The following MYO19 variants were observed in gnomAD, a reference collection of about 807,000 sequenced individuals.
The protein encoded by MYO19 is unconventional myosin-XIX.
In MYO19, 132 loss-of-function variants were observed where a neutral mutation model predicts 129.2. The observed-to-expected ratio is 1.02, with a 90% CI of 0.89 to 1.18. The LOEUF (loss-of-function observed/expected upper bound fraction) is 1.18, where lower values mean the gene tolerates loss of function less well. MYO19 is among the 50% of genes most tolerant of loss of function. The pLI is 0.00. For missense variants in MYO19, 1,210 were observed against 1,216.7 expected (o/e 0.99, Z 0.08); for synonymous variants, 531 against 477.2 (o/e 1.11, Z -1.47).
At chr17:36,519,944 C>T (rs1474093206) in intron 6 of MYO19, among the ~76,000 whole-genome samples, 1 of 151,998 alleles carries the variant, frequency 6.6e-6, no homozygotes, top group Non-Finnish European at 1.5e-5. Context: ...TATGGTCATT[C>T]TTATCTTTGT....
rs746490183 is a variant in MYO19 at position 36,501,072 on chromosome 17, AGAGT to A, written c.2240_2243del (p.Asp747ValfsTer51). ...CCTCATCCCCAAACCAGCTCACCATAGAGTCAGTCATGAACACCTTGGTCCTGCC... is the reference window on the plus strand; with the variant it reads ...CCTCATCCCCAAACCAGCTCACCATACAGTCATGAACACCTTGGTCCTGCC... On this transcript the variant is annotated frameshift_variant, in exon 22 of 26. Transcript: ENST00000614623. LOFTEE classifies it high-confidence loss of function. 2.5e-6 allele frequency: 4 copies of A among 1,611,270 alleles called. No individual in the cohort carries two copies. The Admixed American group carries it at 6.7e-5, about 27-fold the overall frequency.
chr17:36,503,900 A>C, intron 20 of MYO19, 50 bp downstream of exon 20: 1 of 1,427,736 alleles, frequency 7.0e-7, no homozygotes, highest in Non-Finnish European at 9.3e-7. Context: ...GAGAGTCCTG[A>C]GCCCCACTCT....
chr17:36,514,146 G>T (rs2072569299), intron 9 of MYO19, among the ~76,000 whole-genome samples: 1 of 152,158 alleles, frequency 6.6e-6, no homozygotes, highest in African/African-American at 2.4e-5. Context: ...GCCATTCTAG[G>T]AGAGCCCTTA....
At chr17:36,513,753 G>T in intron 9 of MYO19, 28 bp from the exon 10 acceptor site, 1 of 1,601,182 alleles carries the variant, frequency 6.2e-7, no homozygotes, top group Non-Finnish European at 8.5e-7. Flanking sequence ...TGGGAGGCTG[G>T]GTAGGGGGTC....
Position 36,498,449 on chromosome 17 carries a change from C to G in MYO19, c.2574G>C (p.Glu858Asp). The change falls in exon 25 of 26, where the codon GAG becomes GAC. Residue 858 changes from glutamate (E) to aspartate (D), a missense_variant. Glu to Asp is a conservative substitution (Grantham distance 45). Transcript: ENST00000614623. ...STSPLQTRLL[E>D]AIIRLWPLGL... The stretch of plus-strand genomic sequence containing the variant: ...CCAGGGGCCAGAGGCGGATTATTGC[C>G]TCCAGGAGCCTGGTCTGCAGCGGCG... The G allele has an allele frequency of 6.2e-7, 1 of 1,614,020 alleles. No individual in the cohort carries two copies. Among genetic ancestry groups the G allele is most frequent in the Non-Finnish European group, 8.5e-7 (1 of 1,179,886 alleles).
At chr17:36,511,520 G>A in intron 11 of MYO19, 65 bp from the exon 12 acceptor site, 1 of 1,412,090 alleles carries the variant, frequency 7.1e-7, no homozygotes, top group Non-Finnish European at 9.8e-7. Context: ...TCTGGGAAGG[G>A]CCGTTCTGCT....
chr17:36,538,088 C>T, upstream of MYO19: 1 of 1,614,160 alleles, frequency 6.2e-7, no homozygotes, highest in Non-Finnish European at 8.5e-7. Flanking sequence ...TGCATAAGAA[C>T]CGATCACATA....
chr17:36,508,733 A>C (rs2072100745), intron 14 of MYO19: 2 of 303,464 alleles, frequency 6.6e-6, no homozygotes, highest in South Asian at 6.0e-5. Flanking sequence ...GCCAGCCTCC[A>C]AAGTCCCTTC....
chr17:36,522,808 C>T lies in MYO19; in HGVS notation c.414+2420G>A, dbSNP rs546303153. 5.3e-5 allele frequency among the ~76,000 whole-genome samples: 8 copies of T among 152,166 alleles called. No homozygotes were observed. In the South Asian group the frequency reaches 1.7e-3, roughly 32 times the overall value. ...GGATCACGAGGTCAGGAGATCGAGA[C>T]CATCCTGGCTAACACAGTGAAACCC... On this transcript the variant is annotated intron_variant, in intron 6 of 25. Coordinates refer to ENST00000614623, the MANE Select transcript of MYO19 (RefSeq NM_001163735.2).
intron 14 of MYO19, chr17:36,508,387 T>TGTCC (rs2072071807): frequency 6.4e-6 from 1 of 156,556 alleles, no homozygotes; most frequent in Non-Finnish European, 1.4e-5. Context: ...TATAACTGAC[T>TGTCC]GTCCCACCTA....
At chr17:36,504,229 C>T (rs2071726535) in intron 19 of MYO19, 7 of 508,456 alleles carry the variant, frequency 1.4e-5, no homozygotes, top group Admixed American at 3.7e-5. Flanking sequence ...CTGGTGGTCC[C>T]AAGTCCCCCT....
chr17:36,503,834 G>C, intron 20 of MYO19, 116 bp downstream of exon 20: 1 of 840,752 alleles, frequency 1.2e-6, no homozygotes, highest in Non-Finnish European at 1.7e-6. Context: ...CTACAGACCA[G>C]CCTCTTTCTC....
intron 21 of MYO19, chr17:36,502,834 A>T: frequency 3.7e-6 from 2 of 536,744 alleles, no homozygotes; most frequent in Non-Finnish European, 6.6e-6. Context: ...GGCTAATCCA[A>T]TTTATTCTCA....
At chr17:36,498,207 A>C in intron 25 of MYO19, 59 bp downstream of exon 25, 2 of 1,550,856 alleles carry the variant, frequency 1.3e-6, no homozygotes, top group Non-Finnish European at 1.7e-6. Context: ...GTGAACTTGT[A>C]GGCTTTGCTC....
In MYO19 at chr17:36,506,577, A is replaced by G; in HGVS notation, c.1676T>C (p.Leu559Pro). The change falls in exon 18 of 26, where the codon CTG (leucine) becomes CCG (proline). Residue 559 changes from leucine (L) to proline (P), a missense_variant. By Grantham distance (98) the Leu-to-Pro change is moderately conservative. Transcript: ENST00000614623. ...GAGCAGGGGGTCCTGGGATTGCTGC[A>G]GGAGCCTGGTCAGCTCAGGTGGGAT... ...DPIPPELTRLLQQSQDPLLMG... is the reference protein window; with the variant it reads ...DPIPPELTRLPQQSQDPLLMG... 1 of 1,562,792 alleles carries G rather than the reference A, an allele frequency of 6.4e-7. No individual in the cohort carries two copies. The highest frequency in any genetic ancestry group is 1.2e-5 in the South Asian group (1 of 81,518).
Position 36,499,140 on chromosome 17 carries a change from G to T in MYO19, c.2398C>A (p.Arg800=). ...GCATGCAGCCTCTGGATGTGTTTCC[G>T]AGTTAACCAGGAACGAATGGCTAAG... ...IQAAIRSWLT[R]KHIQRLHAAA... is the part of the protein sequence containing the mutation. Residue 800 remains arginine, a synonymous_variant, in exon 24 of 26, where the codon CGG becomes AGG. Transcript: ENST00000614623. 6.2e-7 allele frequency: 1 copy of T among 1,607,854 alleles called. No individual in the cohort carries two copies. Among genetic ancestry groups the T allele is most frequent in the South Asian group, 1.1e-5 (1 of 89,576 alleles).
At chr17:36,521,483 C>T (rs1049107386) in intron 6 of MYO19, among the ~76,000 whole-genome samples, 1 of 152,046 alleles carries the variant, frequency 6.6e-6, no homozygotes, top group African/African-American at 2.4e-5. Context: ...AACATGATTA[C>T]ACAACTAACC....
chr17:36,536,524 CTTTTTT>C (rs10715370), upstream of MYO19, among the ~76,000 whole-genome samples: 4 of 125,532 alleles, frequency 3.2e-5, no homozygotes, highest in South Asian at 2.5e-4. Context: ...TTTTCTTTTC[CTTTTTT>C]TTTTTTTTTT....
rs2070938467 is a variant in MYO19, at chr17:36,496,076, C to T, written c.*175G>A. The T allele has an allele frequency of 7.6e-6, 7 of 923,496 alleles. No individual in the cohort carries two copies. The East Asian group carries it at 1.5e-4, about 20-fold the overall frequency. 57.2% of individuals were successfully genotyped at this position (923,496 alleles called of 1,614,324 possible). A position where few individuals can be genotyped will look rare whatever the true frequency, so the allele number is the denominator to read the frequency against. On this transcript the variant is annotated 3_prime_UTR_variant, in exon 26 of 26. Coordinates refer to ENST00000614623, the MANE Select transcript of MYO19 (RefSeq NM_001163735.2). Reference sequence around the variant, plus strand: ...CATCAGTGCTTGATGTAGCCTGGAACCCCAGGCCCACTGACGCACTGGGCA... The same window carrying T: ...CATCAGTGCTTGATGTAGCCTGGAATCCCAGGCCCACTGACGCACTGGGCA...
Sources: allele counts gnomAD v4.1 joint callset (sites outside exome capture counted in the v4.1 genomes callset), GRCh38; gene constraint gnomAD v4.1.1; transcripts MANE v1.5; gene names NCBI Gene and HGNC (gene_info 2026-07-23, HGNC 2026-07-21).